Variants in PKHD1 observed in about 807,000 individuals in gnomAD.
The protein encoded by PKHD1 is fibrocystin.
In PKHD1, 291 loss-of-function variants were observed where a neutral mutation model predicts 412.0. That is an observed-to-expected ratio of 0.71 (90% CI 0.64 to 0.78). PKHD1 has a LOEUF of 0.78. Ranked by LOEUF, PKHD1 falls within the 30% of genes least tolerant of loss-of-function variation. The pLI is 0.00. For synonymous variants in PKHD1, 1,777 were observed against 1,821.5 expected, an observed-to-expected ratio of 0.98 and a Z score of 0.62; for missense variants, 4,825 against 4,950.7, an observed-to-expected ratio of 0.97 and a Z score of 0.76.
At chr6:51,947,444 T>A (rs1469536508) in intron 36 of PKHD1, among the ~76,000 whole-genome samples, 1 of 152,262 alleles carries the variant, frequency 6.6e-6, no homozygotes, top group Non-Finnish European at 1.5e-5. Context: ...CTCTTCTATT[T>A]AGAACCTTTG....
In PKHD1 at chr6:51,868,022, T is replaced by A; in HGVS notation, c.7574A>T (p.Glu2525Val). 2 of 1,612,798 alleles carry A rather than the reference T, an allele frequency of 1.2e-6. No homozygotes were observed. The highest frequency in any genetic ancestry group is 2.2e-5 in the South Asian group (2 of 91,052). ...AFPFPHAAIL[E>V]DLDGSLSGKN... is the part of the protein sequence containing the mutation. ...CCCAGACAGAGACCCATCCAAGTCTTCCAAAATTGCTGCATGAGGAAATGG... is the reference window on the plus strand; with the variant it reads ...CCCAGACAGAGACCCATCCAAGTCTACCAAAATTGCTGCATGAGGAAATGG... Residue 2525 changes from glutamate (E) to valine (V), a missense_variant, in exon 48 of 67, where the codon GAA (glutamate) becomes GTA (valine). Physicochemically the swap from Glu to Val is moderately radical, Grantham distance 121. Coordinates refer to ENST00000371117, the MANE Select transcript of PKHD1 (RefSeq NM_138694.4).
chr6:51,938,472 C>T (rs1465284343), intron 36 of PKHD1, among the ~76,000 whole-genome samples: 2 of 149,516 alleles, frequency 1.3e-5, no homozygotes, highest in African/African-American at 2.5e-5. Context: ...GCTCAAAAAG[C>T]TCCCCCACTG....
At chr6:51,899,398 A>C (rs1265122717) in intron 43 of PKHD1, among the ~76,000 whole-genome samples, 2 of 152,196 alleles carry the variant, frequency 1.3e-5, no homozygotes, top group Non-Finnish European at 2.9e-5. Context: ...GCATATAAAC[A>C]GAGCCAAAGA....
At chr6:51,783,700 C>T (rs1792409240) in intron 53 of PKHD1, among the ~76,000 whole-genome samples, 1 of 152,036 alleles carries the variant, frequency 6.6e-6, no homozygotes, top group Non-Finnish European at 1.5e-5. Context: ...TTTAAAAAAA[C>T]ATTTAAATCA....
chr6:51,834,437 C>T lies in PKHD1; in HGVS notation c.8173+1967G>A, dbSNP rs1181761746. 3.3e-5 allele frequency among the ~76,000 whole-genome samples: 5 copies of T among 152,164 alleles called. No individual in the cohort carries two copies. The East Asian group carries it at 7.7e-4, about 24-fold the overall frequency. On this transcript the variant is annotated intron_variant, in intron 51 of 66. Transcript: ENST00000371117. ...GTGCACTTAGTACGGGTACATATTA[C>T]ATACTCATATCGGTTAACACATAGA...
At chr6:51,672,794 G>A (rs990222592) in intron 60 of PKHD1, among the ~76,000 whole-genome samples, 3 of 152,210 alleles carry the variant, frequency 2.0e-5, no homozygotes, top group Non-Finnish European at 4.4e-5. Flanking sequence ...ACATGGCAAT[G>A]AGTTTAATGC....
chr6:52,070,537 C>A (rs1357292196), intron 9 of PKHD1, 92 bp from the exon 10 acceptor site: 22 of 877,326 alleles, frequency 2.5e-5, no homozygotes, highest in Non-Finnish European at 3.8e-5. Flanking sequence ...ACTCCAATAT[C>A]ATCAAATTAC....
intron 27 of PKHD1, among the ~76,000 whole-genome samples, chr6:52,037,174 C>A (rs1804090603): frequency 6.6e-6 from 1 of 151,818 alleles, no homozygotes; most frequent in Admixed American, 6.6e-5. Context: ...GTAAATATCA[C>A]TGAAAAAAAA....
At chr6:51,630,686 T>G (rs759673840) in intron 65 of PKHD1, among the ~76,000 whole-genome samples, 145 of 152,272 alleles carry the variant, frequency 9.5e-4, no homozygotes, top group Non-Finnish European at 1.7e-3. Context: ...AATCTTTTTT[T>G]ATGAGTAAGT....
intron 23 of PKHD1, among the ~76,000 whole-genome samples, chr6:52,047,128 G>A (rs1805973771): frequency 6.6e-6 from 1 of 152,250 alleles, no homozygotes; most frequent in Admixed American, 6.5e-5. Context: ...TTGTTTTGCA[G>A]GCGGTGATCT....
intron 61 of PKHD1, among the ~76,000 whole-genome samples, chr6:51,650,586 C>G (rs929971293): frequency 6.6e-6 from 1 of 152,006 alleles, no homozygotes; most frequent in East Asian, 1.9e-4. Flanking sequence ...GGGTGCATGT[C>G]AGGAAAAAGT....
chr6:51,973,948 G>A (rs563859286), intron 35 of PKHD1, among the ~76,000 whole-genome samples: 26 of 152,282 alleles, frequency 1.7e-4, no homozygotes, highest in Admixed American at 1.6e-3. Context: ...ACTGATACAA[G>A]ATTACCCAAT....
At chr6:51,750,657 C>T (rs1443731812) in intron 57 of PKHD1, among the ~76,000 whole-genome samples, 3 of 152,102 alleles carry the variant, frequency 2.0e-5, no homozygotes, top group Non-Finnish European at 4.4e-5. Context: ...TCTTATGCTT[C>T]CATGGATTTG....
intron 43 of PKHD1, among the ~76,000 whole-genome samples, chr6:51,898,256 A>C: frequency 6.7e-6 from 1 of 150,160 alleles, no homozygotes; most frequent in Non-Finnish European, 1.5e-5. Flanking sequence ...TTGACCACAT[A>C]CTTGGAAGTA....
At chr6:52,034,211 A>T (rs1803558449) in intron 28 of PKHD1, among the ~76,000 whole-genome samples, 2 of 151,870 alleles carry the variant, frequency 1.3e-5, no homozygotes, top group East Asian at 3.9e-4. Flanking sequence ...AAAAGAAAAA[A>T]ATATACTACC....
chr6:51,939,511 C>T (rs1788124962), intron 36 of PKHD1, among the ~76,000 whole-genome samples: 1 of 151,504 alleles, frequency 6.6e-6, no homozygotes, highest in African/African-American at 2.4e-5. Flanking sequence ...TTATTTTCTT[C>T]TGCAATGCCA....
At chr6:52,026,680 T>C (rs1285021935) in intron 31 of PKHD1, among the ~76,000 whole-genome samples, 1 of 152,198 alleles carries the variant, frequency 6.6e-6, no homozygotes, top group Non-Finnish European at 1.5e-5. Context: ...ATATTATACA[T>C]TCTAATATAT....
intron 36 of PKHD1, among the ~76,000 whole-genome samples, chr6:51,957,791 C>T (rs1032134313): frequency 2.0e-5 from 3 of 151,558 alleles, no homozygotes; most frequent in African/African-American, 7.3e-5. Flanking sequence ...AAATGATCTG[C>T]CCTTCACCTC....
At position 51,943,049 on chromosome 6, in the gene PKHD1, G is replaced by T. The variant is rs189465922; in HGVS notation, c.5909-8727C>A. Among the ~76,000 whole-genome samples, 58 of 151,612 alleles carry T rather than the reference G, an allele frequency of 3.8e-4. 1 individual carries two copies. Among genetic ancestry groups the T allele is most frequent in the African/African-American group, 1.4e-3 (57 of 41,474 alleles). ...CCACAGGGTCTAAGAAGGCCACCAC[G>T]GTCATTTCTTCCCTTCTGTCAGACA... On this transcript the variant is annotated intron_variant, in intron 36 of 66. Coordinates refer to ENST00000371117, the MANE Select transcript of PKHD1 (RefSeq NM_138694.4).
Sources: allele counts gnomAD v4.1 joint callset (sites outside exome capture counted in the v4.1 genomes callset), GRCh38; gene constraint gnomAD v4.1.1; transcripts MANE v1.5; gene names NCBI Gene and HGNC (gene_info 2026-07-23, HGNC 2026-07-21).